The following TSPAN18 variants were observed in gnomAD, a reference collection of about 807,000 sequenced individuals.
TSPAN18 encodes the protein tetraspanin 18.
In TSPAN18, 14 loss-of-function variants were observed where a neutral mutation model predicts 27.3. That is an observed-to-expected ratio of 0.51 (90% CI 0.34 to 0.80). The LOEUF is 0.80. Among genes scored for constraint, TSPAN18 ranks in the 30% least tolerant of loss-of-function variants. The probability of loss-of-function intolerance (pLI) is 0.01; values close to 1 mark genes in which losing one functional copy is unlikely to be tolerated. For synonymous variants in TSPAN18, 143 were observed against 136.5 expected (o/e 1.05, Z -0.33); for missense variants, 268 against 323.9 (o/e 0.83, Z 1.32).
intron 3 of TSPAN18, among the ~76,000 whole-genome samples, chr11:44,905,701 A>G (rs1859429727): frequency 6.6e-6 from 1 of 152,198 alleles, no homozygotes; most frequent in Admixed American, 6.5e-5. Flanking sequence ...GCTGAATGGA[A>G]TTGTGTTCAA....
intron 3 of TSPAN18, among the ~76,000 whole-genome samples, chr11:44,863,278 C>G (rs1354005020): frequency 2.6e-5 from 4 of 152,190 alleles, no homozygotes; most frequent in African/African-American, 9.7e-5. Context: ...GCAGTGGGAC[C>G]CTGAGGCTTG....
chr11:44,906,410 G>GCCATGGA lies in TSPAN18; in HGVS notation c.-7_-6insCCATGGA. The GCCATGGA allele has an allele frequency of 6.2e-7, 1 of 1,614,196 alleles. No homozygotes were observed. The highest frequency in any genetic ancestry group is 8.5e-7 in the Non-Finnish European group (1 of 1,180,004). ...TGAGGTGGCCTTGTATTTCTAGGTG[G>GCCATGGA]AGCACCATGGAAGGCGACTGTCTGA... On this transcript the variant is annotated 5_prime_UTR_variant, in exon 4 of 10. It adds an upstream start codon to the 5' untranslated region. Coordinates refer to ENST00000520358, the MANE Select transcript of TSPAN18 (RefSeq NM_130783.5).
intron 5 of TSPAN18, among the ~76,000 whole-genome samples, chr11:44,915,292 A>G (rs745645628): frequency 6.6e-6 from 1 of 152,206 alleles, no homozygotes; most frequent in Admixed American, 6.5e-5. Context: ...GACCCCTGCC[A>G]GCGGCCTCCG....
intron 3 of TSPAN18, among the ~76,000 whole-genome samples, chr11:44,865,839 C>T (rs558342809): frequency 1.2e-4 from 18 of 152,296 alleles, no homozygotes; most frequent in African/African-American, 4.3e-4. Context: ...AGTCGGGTCC[C>T]TTAGGCAGCC....
At chr11:44,799,053 C>T (rs1466365115) in intron 2 of TSPAN18, among the ~76,000 whole-genome samples, 3 of 149,716 alleles carry the variant, frequency 2.0e-5, no homozygotes, top group East Asian at 4.0e-4. Flanking sequence ...CCGCCCCCTC[C>T]TCACCCTTGC....
chr11:44,894,073 C>T (rs74886929), intron 3 of TSPAN18, among the ~76,000 whole-genome samples: 2,825 of 152,278 alleles, frequency 0.019, 83 homozygotes, highest in African/African-American at 0.064. Context: ...CCAGGGCTGG[C>T]GCTGTTGGTG....
At chr11:44,754,893 G>C (rs1855296633) in intron 1 of TSPAN18, among the ~76,000 whole-genome samples, 1 of 152,212 alleles carries the variant, frequency 6.6e-6, no homozygotes, top group African/African-American at 2.4e-5. Context: ...GATGGCAAGA[G>C]GTTTTGGGCT....
intron 2 of TSPAN18, among the ~76,000 whole-genome samples, chr11:44,844,261 G>A (rs1686253424): frequency 6.6e-6 from 1 of 151,544 alleles, no homozygotes; most frequent in South Asian, 2.1e-4. Flanking sequence ...TTCTGTGGAT[G>A]GACATTGGAT....
At chr11:44,904,412 A>T (rs1352830554) in intron 3 of TSPAN18, among the ~76,000 whole-genome samples, 1 of 152,244 alleles carries the variant, frequency 6.6e-6, no homozygotes, top group Non-Finnish European at 1.5e-5. Flanking sequence ...TGTGCCTGTC[A>T]GACCTTCCTC....
Position 44,900,920 on chromosome 11 carries a change from C to T in TSPAN18, c.-10-5487C>T, listed in dbSNP as rs57846500. ...ATGTTGGCCAAGTTGGTCTCAAACT[C>T]CTGACCTCAGGTGATCTGCCCGCCT... On this transcript the variant is annotated intron_variant, in intron 3 of 9. Transcript: ENST00000520358. Among the ~76,000 whole-genome samples the T allele has an allele frequency of 5.6e-3, 854 of 152,180 alleles. 6 individuals are homozygous for T. Among genetic ancestry groups the T allele is most frequent in the African/African-American group, 0.02 (827 of 41,492 alleles).
At chr11:44,877,849 GC>G (rs948619777) in intron 3 of TSPAN18, among the ~76,000 whole-genome samples, 32 of 152,040 alleles carry the variant, frequency 2.1e-4, no homozygotes, top group Admixed American at 2.0e-3. Context: ...GGAGACCACG[GC>G]TTTCTACCTT....
chr11:44,878,658 G>A (rs1858407269), intron 3 of TSPAN18, among the ~76,000 whole-genome samples: 1 of 152,172 alleles, frequency 6.6e-6, no homozygotes. Context: ...AATTCTTGAA[G>A]ATTTGGAAGA....
chr11:44,914,236 A>G (rs1220233199), intron 5 of TSPAN18, among the ~76,000 whole-genome samples: 2 of 152,194 alleles, frequency 1.3e-5, no homozygotes, highest in African/African-American at 4.8e-5. Flanking sequence ...TGCTCAGTAA[A>G]CAGCCCCGGA....
At chr11:44,871,615 C>T (rs890033775) in intron 3 of TSPAN18, among the ~76,000 whole-genome samples, 4 of 152,336 alleles carry the variant, frequency 2.6e-5, no homozygotes, top group East Asian at 3.9e-4. Context: ...GATTCTGCCA[C>T]GACCAGCAGA....
chr11:44,742,946 G>T (rs1033708983), intron 1 of TSPAN18, among the ~76,000 whole-genome samples: 3 of 152,200 alleles, frequency 2.0e-5, no homozygotes, highest in Admixed American at 6.5e-5. Flanking sequence ...CAGCTTCATG[G>T]GGGGGCTGGC....
At chr11:44,816,291 A>G (rs1201316993) in intron 2 of TSPAN18, among the ~76,000 whole-genome samples, 2 of 152,236 alleles carry the variant, frequency 1.3e-5, no homozygotes, top group East Asian at 3.9e-4. Flanking sequence ...AGGCAGTTGC[A>G]TGTGTGCCAC....
At chr11:44,897,895 T>A in intron 3 of TSPAN18, 2 of 1,279,120 alleles carry the variant, frequency 1.6e-6, no homozygotes, top group African/African-American at 1.5e-5. Flanking sequence ...CACGGTCCCA[T>A]CTCCACTCTG....
At chr11:44,905,562 G>A (rs1174431316) in intron 3 of TSPAN18, among the ~76,000 whole-genome samples, 2 of 152,236 alleles carry the variant, frequency 1.3e-5, no homozygotes, top group Non-Finnish European at 2.9e-5. Context: ...ATGTAAACAT[G>A]TCTTGTGCAC....
Position 44,852,811 on chromosome 11 carries a change from A to C in TSPAN18, c.-152-7517A>C, listed in dbSNP as rs529741813. 5.6e-4 allele frequency among the ~76,000 whole-genome samples: 86 copies of C among 152,320 alleles called. 1 individual carries two copies. The highest frequency in any genetic ancestry group is 2.0e-3 in the African/African-American group (84 of 41,568). ...TGCAGGGAGGATGTTTGTCAGGGGA[A>C]GGGGAAAGGAACCAAGATGGTCTGC... On this transcript the variant is annotated intron_variant, in intron 2 of 9. Transcript: ENST00000520358.
Sources: allele counts gnomAD v4.1 joint callset (sites outside exome capture counted in the v4.1 genomes callset), GRCh38; gene constraint gnomAD v4.1.1; transcripts MANE v1.5; gene names NCBI Gene and HGNC (gene_info 2026-07-23, HGNC 2026-07-21).